The following ZNF518B variants were observed in gnomAD, a reference collection of about 807,000 sequenced individuals.
ZNF518B encodes the protein zinc finger protein 518B.
Under a neutral mutation model 56.3 loss-of-function variants are expected in ZNF518B, and 23 were observed. The ratio of observed to expected loss-of-function variants is 0.41; its 90% CI spans 0.29 to 0.58. The LOEUF is 0.58. ZNF518B is among the 20% of genes least tolerant of loss of function. ZNF518B has a pLI of 0.32. For missense variants in ZNF518B, 1,460 were observed against 1,272.1 expected, an observed-to-expected ratio of 1.15 and a Z score of -2.25; for synonymous variants, 529 against 465.9, an observed-to-expected ratio of 1.14 and a Z score of -1.74.
At chr4:10,454,278 T>C (rs1323125463) in intron 2 of ZNF518B, 1 of 152,244 alleles carries the variant, frequency 6.6e-6, no homozygotes, top group Non-Finnish European at 1.5e-5. Flanking sequence ...TGATGCTCTC[T>C]GTAAGATGTA....
At position 10,444,409 on chromosome 4, in the gene ZNF518B, G is replaced by A; in HGVS notation, c.1920C>T (p.Ser640=). ...CCTCGGGGACATTTTCAGATCCAGA[G>A]CTCAGAGAAAATACTGATGAGATGA... ...GPVISSVFSL[S]SGSENVPEGI... is the part of the protein sequence containing the mutation. Residue 640 remains serine (S), a synonymous_variant, in exon 3 of 3, where the codon AGC becomes AGT. Transcript: ENST00000326756. The A allele has an allele frequency of 1.2e-6, 2 of 1,614,168 alleles. No individual in the cohort carries two copies. Among genetic ancestry groups the A allele is most frequent in the Non-Finnish European group, 1.7e-6 (2 of 1,180,022 alleles).
chr4:10,444,170 G>T lies in ZNF518B; in HGVS notation c.2159C>A (p.Ser720Tyr), dbSNP rs144356708. The T allele has an allele frequency of 9.2e-4, 1,491 of 1,614,198 alleles. 3 individuals are homozygous for T. The highest frequency in any genetic ancestry group is 6.1e-3 in the Middle Eastern group (37 of 6,062). The change falls in exon 3 of 3, where the codon TCC becomes TAC. Residue 720 changes from serine (S) to tyrosine (Y), a missense_variant. Transcript: ENST00000326756. ...INVSLTGLGHSTGTLQKPPND... is the reference protein window; with the variant it reads ...INVSLTGLGHYTGTLQKPPND... ...CGGAGGTTTCTGAAGAGTACCTGTG[G>T]AATGGCCAAGACCAGTGAGTGACAC...
At chr4:10,446,798 T>C (rs1461895666) in intron 2 of ZNF518B, among the ~76,000 whole-genome samples, 3 of 152,236 alleles carry the variant, frequency 2.0e-5, no homozygotes, top group South Asian at 2.1e-4. Context: ...AAGGACATCA[T>C]AGCAGCCATT....
chr4:10,459,465 G>A (rs992941761), upstream of ZNF518B, among the ~76,000 whole-genome samples: 3 of 151,984 alleles, frequency 2.0e-5, no homozygotes, highest in Non-Finnish European at 4.4e-5. Flanking sequence ...CTTCTGTCAC[G>A]AGTTGAATTA....
At chr4:10,458,041 A>G, upstream of ZNF518B, among the ~76,000 whole-genome samples, 1 of 152,122 alleles carries the variant, frequency 6.6e-6, no homozygotes, top group East Asian at 1.9e-4. Context: ...GGGAGTCTGG[A>G]GAGGGTGTGA....
At position 10,444,125 on chromosome 4, in the gene ZNF518B, C is replaced by T; in HGVS notation, c.2204G>A (p.Gly735Asp). ...QKPPNDGGIT[G>D]NRQLTHQQIY... The stretch of plus-strand genomic sequence containing the variant: ...TTGTTGATGAGTAAGCTGTCTATTA[C>T]CAGTAATACCACCATCATTCGGAGG... Residue 735 changes from glycine (G) to aspartate (D), a missense_variant, in exon 3 of 3, where the codon GGT becomes GAT. Coordinates refer to ENST00000326756, the MANE Select transcript of ZNF518B (RefSeq NM_053042.3). 1 of 1,614,210 alleles carries T rather than the reference C, an allele frequency of 6.2e-7. No homozygotes were observed. The highest frequency in any genetic ancestry group is 1.1e-5 in the South Asian group (1 of 91,088).
Position 10,442,843 on chromosome 4 carries a change from A to T in ZNF518B, c.*261T>A. On this transcript the variant is annotated 3_prime_UTR_variant, in exon 3 of 3. Transcript: ENST00000326756. ...AAGAAAAGTCTCAGATCCCACTGAA[A>T]ATCTGTTCAGTTTCACAGGCTCTCT... is the stretch of plus-strand genomic sequence containing the variant. The T allele has an allele frequency of 2.4e-6, 1 of 411,062 alleles. No individual in the cohort carries two copies. The highest frequency in any genetic ancestry group is 6.7e-4 in the Middle Eastern group (1 of 1,496). The allele number at this position is 411,062 out of a possible 1,614,324, so 25.5% of individuals were successfully genotyped here.
upstream of ZNF518B, among the ~76,000 whole-genome samples, chr4:10,459,791 G>A (rs1458185174): frequency 1.3e-5 from 2 of 152,162 alleles, no homozygotes; most frequent in Admixed American, 1.3e-4. Context: ...CCCCTAGAGG[G>A]TTCAGAGGGA....
At position 10,446,194 on chromosome 4, in the gene ZNF518B, A is replaced by T. The variant is rs1715043330; in HGVS notation, c.135T>A (p.Tyr45Ter). ...TGGCAGCCTCTGCCTCTGAGCCTTG[A>T]TACAAAAGGGTTTGTGCTTCTTGTC... ...PNRQEAQTLL[Y>*]QGSEAEAAMM... is the part of the protein sequence containing the mutation. The change falls in exon 3 of 3, where the codon TAT becomes TAA. Residue 45 changes from tyrosine to a stop codon, truncating the protein, a stop_gained. Transcript: ENST00000326756. LOFTEE classifies it low-confidence loss of function (END_TRUNC). The T allele has an allele frequency of 6.2e-7, 1 of 1,614,090 alleles. No homozygotes were observed. Among genetic ancestry groups the T allele is most frequent in the Non-Finnish European group, 8.5e-7 (1 of 1,180,040 alleles).
In ZNF518B at chr4:10,446,145, T is replaced by C. The variant is rs375454944; in HGVS notation, c.184A>G (p.Lys62Glu). The C allele has an allele frequency of 8.7e-6, 14 of 1,614,226 alleles. No homozygotes were observed. Among genetic ancestry groups the C allele is most frequent in the East Asian group, 2.2e-5 (1 of 44,888 alleles). Reference sequence around the variant, plus strand: ...GAGATCTTGTGAACACTTTTGCACTTTGCACATGTAGCAATGGTCATCATG... The same window carrying C: ...GAGATCTTGTGAACACTTTTGCACTCTGCACATGTAGCAATGGTCATCATG... ...AAMMTIATCA[K>E]CKSVHKISLQ... Residue 62 changes from lysine (K) to glutamate (E), a missense_variant, in exon 3 of 3, where the codon AAG (lysine) becomes GAG (glutamate). Coordinates refer to ENST00000326756, the MANE Select transcript of ZNF518B (RefSeq NM_053042.3).
rs1403976714 is a variant in ZNF518B, at chr4:10,444,115, C to T, written c.2214G>A (p.Gln738=). ...GTGGATATATTTGTTGATGAGTAAG[C>T]TGTCTATTACCAGTAATACCACCAT... is the stretch of plus-strand genomic sequence containing the variant. ...PNDGGITGNR[Q]LTHQQIYPHF... Residue 738 remains glutamine (Q), a synonymous_variant, in exon 3 of 3, where the codon CAG becomes CAA. Transcript: ENST00000326756. 1.2e-6 allele frequency: 2 copies of T among 1,614,100 alleles called. No individual in the cohort carries two copies. Among genetic ancestry groups the T allele is most frequent in the African/African-American group, 2.7e-5 (2 of 74,942 alleles).
chr4:10,460,912 G>A (rs1424302558), upstream of ZNF518B, among the ~76,000 whole-genome samples: 1 of 152,226 alleles, frequency 6.6e-6, no homozygotes, highest in Non-Finnish European at 1.5e-5. Context: ...ATGGACAGGA[G>A]ATCCCAGAAA....
intron 2 of ZNF518B, among the ~76,000 whole-genome samples, 167 bp from the exon 3 acceptor site, chr4:10,446,706 A>C (rs1715073900): frequency 6.6e-6 from 1 of 152,238 alleles, no homozygotes; most frequent in Non-Finnish European, 1.5e-5. Flanking sequence ...AAGTAAGCCT[A>C]AATTGAAAAC....
Position 10,441,546 on chromosome 4 carries a change from A to T in ZNF518B, c.*1558T>A, listed in dbSNP as rs1430358432. Reference sequence around the variant, plus strand: ...TTAGTTTCATTCACTGCACCCCACAAATCGCCTAAGACAGGAATAGCCCCT... The same window carrying T: ...TTAGTTTCATTCACTGCACCCCACATATCGCCTAAGACAGGAATAGCCCCT... On this transcript the variant is annotated 3_prime_UTR_variant, in exon 3 of 3. Transcript: ENST00000326756. 1 of 152,622 alleles carries T rather than the reference A, an allele frequency of 6.6e-6. No homozygotes were observed. The highest frequency in any genetic ancestry group is 1.5e-5 in the Non-Finnish European group (1 of 68,044). 9.5% of individuals were successfully genotyped at this position (152,622 alleles called of 1,614,324 possible).
Position 10,443,526 on chromosome 4 carries a change from T to TA in ZNF518B, c.2802dup (p.Lys935Ter). 6.2e-7 allele frequency: 1 copy of TA among 1,614,040 alleles called. No homozygotes were observed. Among genetic ancestry groups the TA allele is most frequent in the Non-Finnish European group, 8.5e-7 (1 of 1,179,860 alleles). ...ACTGGCTGGTTCCGACGGGGACACT[T>TA]AATCAACTGATCTGGCTTAGCTGCT... is the stretch of plus-strand genomic sequence containing the variant. On this transcript the variant is annotated frameshift_variant, in exon 3 of 3. Coordinates refer to ENST00000326756, the MANE Select transcript of ZNF518B (RefSeq NM_053042.3). LOFTEE classifies it high-confidence loss of function.
At chr4:10,453,702 G>T (rs891582678) in intron 2 of ZNF518B, 1 of 152,132 alleles carries the variant, frequency 6.6e-6, no homozygotes, top group African/African-American at 2.4e-5. Flanking sequence ...GTCTCTGAAG[G>T]TGCTAAAAAT....
chr4:10,457,166 C>A (rs1715576494), intron 1 of ZNF518B, 151 bp downstream of exon 1: 2 of 148,820 alleles, frequency 1.3e-5, no homozygotes, highest in Admixed American at 6.7e-5. Flanking sequence ...CAGCCCTCAG[C>A]GCGGGCACGC....
Position 10,444,467 on chromosome 4 carries a change from G to T in ZNF518B, c.1862C>A (p.Ser621Tyr). Residue 621 changes from serine to tyrosine, a missense_variant, in exon 3 of 3, where the codon TCT becomes TAT. Coordinates refer to ENST00000326756, the MANE Select transcript of ZNF518B (RefSeq NM_053042.3). ...PGDKPLELKN[S>Y]ERTNNTNDGP... Reference sequence around the variant, plus strand: ...ATCATTAGTGTTGTTAGTCCTTTCAGAATTCTTTAATTCCAAAGGCTTATC... The same window carrying T: ...ATCATTAGTGTTGTTAGTCCTTTCATAATTCTTTAATTCCAAAGGCTTATC... 6.2e-7 allele frequency: 1 copy of T among 1,614,148 alleles called. No individual in the cohort carries two copies.
chr4:10,443,589 G>A lies in ZNF518B; in HGVS notation c.2740C>T (p.Pro914Ser), dbSNP rs1714789382. Residue 914 changes from proline to serine, a missense_variant, in exon 3 of 3, where the codon CCT becomes TCT. Coordinates refer to ENST00000326756, the MANE Select transcript of ZNF518B (RefSeq NM_053042.3). ...QAEPSRCLKD[P>S]SIFQVARQLR... is the part of the protein sequence containing the mutation. ...TGCCTTGCAACCTGAAAAATTGAAG[G>A]ATCCTTGAGACAGCGGCTAGGTTCA... 2 of 1,614,150 alleles carry A rather than the reference G, an allele frequency of 1.2e-6. No homozygotes were observed. Among genetic ancestry groups the A allele is most frequent in the Non-Finnish European group, 1.7e-6 (2 of 1,180,016 alleles).
Sources: allele counts gnomAD v4.1 joint callset (sites outside exome capture counted in the v4.1 genomes callset), GRCh38; gene constraint gnomAD v4.1.1; transcripts MANE v1.5; gene names NCBI Gene and HGNC (gene_info 2026-07-23, HGNC 2026-07-21).